RYR2: variants seen among roughly 807,000 people sequenced by gnomAD.
RYR2 encodes the protein ryanodine receptor 2, also known as cardiac muscle ryanodine receptor-calcium release channel.
A neutral mutation model predicts 601.1 loss-of-function variants in RYR2; 227 were observed. That is an observed-to-expected ratio of 0.38 (90% CI 0.34 to 0.42). The LOEUF is 0.42. RYR2 is among the 10% of genes least tolerant of loss of function. RYR2 has a pLI of 1.00. For synonymous variants in RYR2, 2,223 were observed against 2,175.1 expected, an observed-to-expected ratio of 1.02 and a Z score of -0.61; for missense variants, 4,646 against 6,156.5, an observed-to-expected ratio of 0.75 and a Z score of 8.21.
At chr1:237,144,119 A>G (rs1673706315) in intron 1 of RYR2, among the ~76,000 whole-genome samples, 1 of 151,632 alleles carries the variant, frequency 6.6e-6, no homozygotes, top group South Asian at 2.1e-4. Context: ...ACAAAGTGAG[A>G]CTCTGTCTCA....
chr1:237,377,781 G>A (rs76415279), intron 8 of RYR2, among the ~76,000 whole-genome samples: 2 of 152,050 alleles, frequency 1.3e-5, no homozygotes, highest in African/African-American at 4.8e-5. Context: ...TGATGAAAAG[G>A]CTATATTAAT....
intron 57 of RYR2, 48 bp downstream of exon 57, chr1:237,666,637 G>A (rs531508316): frequency 7.0e-7 from 1 of 1,430,762 alleles, no homozygotes; most frequent in African/African-American, 1.4e-5. Flanking sequence ...TAATTTTTAA[G>A]AAGCATAATG....
chr1:237,148,553 T>TATATATAC (rs71178397), intron 1 of RYR2, among the ~76,000 whole-genome samples: 4,625 of 103,476 alleles, frequency 0.045, 122 homozygotes, highest in East Asian at 0.056. Context: ...TATATATATA[T>TATATATAC]ACACACACAC....
chr1:237,405,405 T>C (rs1703761532), intron 10 of RYR2, among the ~76,000 whole-genome samples: 1 of 152,222 alleles, frequency 6.6e-6, no homozygotes, highest in Non-Finnish European at 1.5e-5. Context: ...ATGTTTTCAT[T>C]CTTTTCTTTC....
rs147414802 is a variant in RYR2 at position 237,240,019 on chromosome 1, G to T, written c.49-30478G>T. Among the ~76,000 whole-genome samples, 92 of 152,216 alleles carry T rather than the reference G, an allele frequency of 6.0e-4. No homozygotes were observed. The East Asian group carries it at 0.015, about 26-fold the overall frequency. On this transcript the variant is annotated intron_variant, in intron 1 of 104. Transcript: ENST00000366574. ...ATCATTAGAAAAGATCATTTTGCTC[G>T]ATCATTAAAACTGCCATTAGTGCTT...
intron 1 of RYR2, among the ~76,000 whole-genome samples, chr1:237,136,918 G>A (rs1231591995): frequency 6.6e-6 from 1 of 150,658 alleles, no homozygotes; most frequent in Non-Finnish European, 1.5e-5. Flanking sequence ...TCAGGAGGCT[G>A]AGGCAGGAGA....
chr1:237,504,052 T>G (rs1459475677), intron 22 of RYR2, among the ~76,000 whole-genome samples: 1 of 152,252 alleles, frequency 6.6e-6, no homozygotes, highest in African/African-American at 2.4e-5. Flanking sequence ...ATAAACTGAT[T>G]CCCTAATGTA....
chr1:237,275,632 A>G (rs991471982), intron 2 of RYR2, among the ~76,000 whole-genome samples: 6 of 152,190 alleles, frequency 3.9e-5, no homozygotes, highest in African/African-American at 1.4e-4. Context: ...ATAATAAGAG[A>G]CGTAACACAC....
At chr1:237,225,309 G>C (rs145797999) in intron 1 of RYR2, among the ~76,000 whole-genome samples, 2 of 152,100 alleles carry the variant, frequency 1.3e-5, no homozygotes, top group Non-Finnish European at 2.9e-5. Context: ...GTCCGTTTTC[G>C]CGCTGCTCAT....
chr1:237,278,021 T>G (rs1572449259), intron 2 of RYR2, among the ~76,000 whole-genome samples: 1 of 152,068 alleles, frequency 6.6e-6, no homozygotes, highest in Non-Finnish European at 1.5e-5. Context: ...TTTTTGAGGA[T>G]CATAGATTTG....
In RYR2 at chr1:237,222,782, T is replaced by C. The variant is rs78011364; in HGVS notation, c.49-47715T>C. ...ATATTACTGTTTTAAATATTCTGTA[T>C]TGGCTGGGCGCGGTGGCTTATGCCT... On this transcript the variant is annotated intron_variant, in intron 1 of 104. Coordinates refer to ENST00000366574, the MANE Select transcript of RYR2 (RefSeq NM_001035.3). Among the ~76,000 whole-genome samples, 1,453 of 152,230 alleles carry C rather than the reference T, an allele frequency of 9.5e-3. 25 individuals are homozygous for C. Among genetic ancestry groups the C allele is most frequent in the African/African-American group, 0.033 (1,356 of 41,528 alleles).
At chr1:237,083,920 G>A (rs1222328714) in intron 1 of RYR2, among the ~76,000 whole-genome samples, 4 of 152,192 alleles carry the variant, frequency 2.6e-5, no homozygotes, top group Non-Finnish European at 5.9e-5. Flanking sequence ...GCACACCTCA[G>A]TGCAGATCAG....
At chr1:237,267,877 T>G (rs571419028) in intron 1 of RYR2, among the ~76,000 whole-genome samples, 7 of 152,236 alleles carry the variant, frequency 4.6e-5, no homozygotes, top group Non-Finnish European at 1.0e-4. Context: ...TCTGGAAATA[T>G]GTCTGATAAG....
chr1:237,330,628 T>C lies in RYR2; in HGVS notation c.169-250T>C, dbSNP rs574218747. On this transcript the variant is annotated intron_variant, in intron 2 of 104. Transcript: ENST00000366574. The stretch of plus-strand genomic sequence containing the variant: ...AACTCAAACTCCTGACCTCAGGTGA[T>C]CCGCCCACCTCGGCCTCCCAGAGTG... Among the ~76,000 whole-genome samples, 103 of 152,302 alleles carry C rather than the reference T, an allele frequency of 6.8e-4. No homozygotes were observed. The Middle Eastern group carries it at 0.01, about 15-fold the overall frequency.
Position 237,503,429 on chromosome 1 carries a change from A to G in RYR2, c.2537A>G (p.Tyr846Cys), listed in dbSNP as rs1483484177. The change falls in exon 22 of 105, where the codon TAC becomes TGC. Residue 846 changes from tyrosine to cysteine, a missense_variant. Tyr to Cys is a radical substitution (Grantham distance 194, BLOSUM62 -2). Transcript: ENST00000366574. ...CGAGAGTACAAGCAAGAAAGAACTT[A>G]CACACGCGACCTGCTGGGCCCCACA... ...HSREYKQERT[Y>C]TRDLLGPTVS... 6.2e-7 allele frequency: 1 copy of G among 1,613,942 alleles called. No homozygotes were observed. The highest frequency in any genetic ancestry group is 1.1e-5 in the South Asian group (1 of 91,084).
chr1:237,734,269 G>A (rs1690940929), intron 79 of RYR2, among the ~76,000 whole-genome samples: 1 of 152,158 alleles, frequency 6.6e-6, no homozygotes, highest in Non-Finnish European at 1.5e-5. Flanking sequence ...CAAAGGGGAA[G>A]TAAGGTACAT....
intron 48 of RYR2, 64 bp downstream of exon 48, chr1:237,643,511 T>C (rs1018497879): frequency 1.2e-6 from 2 of 1,601,464 alleles, no homozygotes; most frequent in Middle Eastern, 1.7e-4. Context: ...TTCTAAAGAA[T>C]GTTTTCCGTA....
chr1:237,805,786 T>C (rs977054610), intron 98 of RYR2, among the ~76,000 whole-genome samples: 1 of 152,086 alleles, frequency 6.6e-6, no homozygotes, highest in East Asian at 1.9e-4. Flanking sequence ...ATCACTTCTT[T>C]GTGTTGGGAA....
chr1:237,503,316 T>C lies in RYR2; in HGVS notation c.2424T>C (p.His808=), dbSNP rs1205928347. 5 of 1,612,840 alleles carry C rather than the reference T, an allele frequency of 3.1e-6. No homozygotes were observed. The highest frequency in any genetic ancestry group is 3.4e-6 in the Non-Finnish European group (4 of 1,179,302). ...TACGCTTTCTGCTTGGAGGGCGACA[T>C]GGAGAATTCAAATTTCTTCCTCCAC... ...IKVRFLLGGR[H]GEFKFLPPPG... The change falls in exon 22 of 105, where the codon CAT becomes CAC. Residue 808 remains histidine, a synonymous_variant. Transcript: ENST00000366574.
Sources: gnomAD v4.1 joint callset for allele counts (sites outside exome capture counted in the v4.1 genomes callset) on GRCh38, gnomAD v4.1.1 for gene constraint, MANE v1.5 for transcripts, NCBI Gene and HGNC (gene_info 2026-07-23, HGNC 2026-07-21) for gene names.